Variants in SLAIN1 observed in about 807,000 individuals in gnomAD.
The protein encoded by SLAIN1 is SLAIN motif-containing protein 1.
SLAIN1 carries 17 observed loss-of-function variants against 55.4 expected under a neutral mutation model. The ratio of observed to expected loss-of-function variants is 0.31; its 90% CI spans 0.21 to 0.46. SLAIN1 has a LOEUF of 0.46. Among genes scored for constraint, SLAIN1 ranks in the 20% least tolerant of loss-of-function variants. SLAIN1 has a pLI of 1.00. For missense variants in SLAIN1, 682 were observed against 785.1 expected (o/e 0.87, Z 1.57); for synonymous variants, 348 against 337.4 (o/e 1.03, Z -0.35).
intron 2 of SLAIN1, among the ~76,000 whole-genome samples, chr13:77,727,865 A>G (rs1226555897): frequency 6.6e-6 from 1 of 152,206 alleles, no homozygotes; most frequent in East Asian, 1.9e-4. Flanking sequence ...TACTACATAT[A>G]CAGAAACATT....
At chr13:77,734,220 G>C (rs1173704329) in intron 2 of SLAIN1, among the ~76,000 whole-genome samples, 1 of 151,928 alleles carries the variant, frequency 6.6e-6, no homozygotes, top group Non-Finnish European at 1.5e-5. Flanking sequence ...AGAATGCTGT[G>C]TTCTCGGTAA....
intron 2 of SLAIN1, among the ~76,000 whole-genome samples, chr13:77,726,174 T>C (rs932297563): frequency 6.6e-6 from 1 of 152,318 alleles, no homozygotes; most frequent in South Asian, 2.1e-4. Flanking sequence ...AGTTTTTTTT[T>C]CTGAAGAAAA....
intron 1 of SLAIN1, chr13:77,699,046 C>G (rs1198187593): frequency 1.3e-6 from 2 of 1,534,832 alleles, no homozygotes; most frequent in South Asian, 2.4e-5. Context: ...ATGGATCTCT[C>G]TTTATAGAGA....
chr13:77,752,342 G>T (rs1356020679), intron 4 of SLAIN1, among the ~76,000 whole-genome samples: 9 of 142,012 alleles, frequency 6.3e-5, no homozygotes, highest in Non-Finnish European at 1.5e-5. Flanking sequence ...GGTTGTTTTG[G>T]TAAATTTAAT....
chr13:77,715,702 A>G (rs915743406), intron 1 of SLAIN1, among the ~76,000 whole-genome samples: 5 of 152,152 alleles, frequency 3.3e-5, no homozygotes, highest in Non-Finnish European at 5.9e-5. Flanking sequence ...ACATCTTTTC[A>G]TATAGCTGTT....
intron 1 of SLAIN1, among the ~76,000 whole-genome samples, chr13:77,700,028 G>A (rs1030200103): frequency 3.3e-5 from 5 of 152,100 alleles, no homozygotes; most frequent in African/African-American, 1.2e-4. Flanking sequence ...AAGGAAACTT[G>A]TTTACATTTT....
intron 2 of SLAIN1, among the ~76,000 whole-genome samples, chr13:77,734,418 CACTT>C (rs1555278181): frequency 1.3e-5 from 2 of 152,274 alleles, no homozygotes; most frequent in Non-Finnish European, 2.9e-5. Flanking sequence ...GGATTTGCTT[CACTT>C]ACTTTTTCCT....
At chr13:77,730,005 A>G (rs951922241) in intron 2 of SLAIN1, among the ~76,000 whole-genome samples, 9 of 152,210 alleles carry the variant, frequency 5.9e-5, no homozygotes, top group African/African-American at 1.7e-4. Context: ...AGGATAAGCC[A>G]TAACTCAAAG....
At position 77,729,381 on chromosome 13, in the gene SLAIN1, T is replaced by G. The variant is rs189128110; in HGVS notation, c.766+9710T>G. ...TCTGGTGAATTTATTATTGACATGCTATTTTGTTACCTATCTCCACCAAGG... is the reference window on the plus strand; with the variant it reads ...TCTGGTGAATTTATTATTGACATGCGATTTTGTTACCTATCTCCACCAAGG... On this transcript the variant is annotated intron_variant, in intron 2 of 6. Transcript: ENST00000418532. Among the ~76,000 whole-genome samples, 61 of 152,306 alleles carry G rather than the reference T, an allele frequency of 4.0e-4. 1 individual carries two copies. The Middle Eastern group carries it at 0.01, about 25-fold the overall frequency.
intron 1 of SLAIN1, among the ~76,000 whole-genome samples, chr13:77,700,223 A>G (rs963950127): frequency 3.3e-5 from 5 of 152,150 alleles, no homozygotes; most frequent in African/African-American, 1.2e-4. Context: ...TTCTTTTTAT[A>G]GTTTAATTTT....
At position 77,753,384 on chromosome 13, in the gene SLAIN1, A is replaced by T. The variant is rs771301368; in HGVS notation, c.1414+26A>T. The T allele has an allele frequency of 6.8e-6, 8 of 1,184,154 alleles. No homozygotes were observed. In the South Asian group the frequency reaches 1.5e-4, roughly 22 times the overall value. 73.4% of individuals were successfully genotyped at this position (1,184,154 alleles called of 1,614,324 possible). ...GTGAGTATAATTATTTGATATAATTATATATTGTATAATTGTATAATTTTT... is the reference window on the plus strand; with the variant it reads ...GTGAGTATAATTATTTGATATAATTTTATATTGTATAATTGTATAATTTTT... On this transcript the variant is annotated intron_variant, in intron 5 of 6. Transcript: ENST00000418532.
At chr13:77,733,671 C>G (rs981447150) in intron 2 of SLAIN1, among the ~76,000 whole-genome samples, 1 of 152,054 alleles carries the variant, frequency 6.6e-6, no homozygotes, top group African/African-American at 2.4e-5. Flanking sequence ...GTTCTTCAAC[C>G]CTTCTTATGT....
At chr13:77,735,620 T>C (rs1354840193) in intron 2 of SLAIN1, among the ~76,000 whole-genome samples, 1 of 152,114 alleles carries the variant, frequency 6.6e-6, no homozygotes, top group East Asian at 1.9e-4. Flanking sequence ...TTAAATTCAA[T>C]TCTCAGTGTA....
chr13:77,706,381 G>A (rs975469893), intron 1 of SLAIN1, among the ~76,000 whole-genome samples: 1 of 151,946 alleles, frequency 6.6e-6, no homozygotes, highest in African/African-American at 2.4e-5. Flanking sequence ...GTTAGTAATG[G>A]CACTTCTTCT....
intron 6 of SLAIN1, 117 bp downstream of exon 6, chr13:77,761,227 C>A: frequency 2.0e-6 from 2 of 983,044 alleles, no homozygotes; most frequent in Non-Finnish European, 3.0e-6. Context: ...CCCTTTATGG[C>A]CTGACTTGTG....
intron 5 of SLAIN1, among the ~76,000 whole-genome samples, chr13:77,758,064 T>C: frequency 6.6e-6 from 1 of 152,180 alleles, no homozygotes; most frequent in East Asian, 1.9e-4. Context: ...TGTAAAAGTG[T>C]TCCCTTTTTG....
chr13:77,745,236 GAC>G (rs147738074), intron 3 of SLAIN1, among the ~76,000 whole-genome samples: 3 of 151,494 alleles, frequency 2.0e-5, no homozygotes, highest in African/African-American at 7.3e-5. Context: ...TTCTGACACA[GAC>G]ACACACACAC....
chr13:77,753,798 C>T (rs1202829688), intron 5 of SLAIN1, among the ~76,000 whole-genome samples: 3 of 152,048 alleles, frequency 2.0e-5, no homozygotes, highest in Admixed American at 6.6e-5. Flanking sequence ...TCTGTTTAGC[C>T]GTTCCTTTTG....
intron 3 of SLAIN1, among the ~76,000 whole-genome samples, chr13:77,745,717 T>A (rs1388387384): frequency 3.3e-5 from 5 of 152,152 alleles, no homozygotes; most frequent in African/African-American, 1.2e-4. Context: ...TATGCAGGAT[T>A]TAATAGATAC....
Sources: allele counts gnomAD v4.1 joint callset (sites outside exome capture counted in the v4.1 genomes callset), GRCh38; gene constraint gnomAD v4.1.1; transcripts MANE v1.5; gene names NCBI Gene and HGNC (gene_info 2026-07-23, HGNC 2026-07-21).